AKT2: variants seen among roughly 807,000 people sequenced by gnomAD.
AKT2 encodes RAC-beta serine/threonine-protein kinase.
A neutral mutation model predicts 58.6 loss-of-function variants in AKT2; 16 were observed. The ratio of observed to expected loss-of-function variants is 0.27; its 90% CI spans 0.18 to 0.41. The LOEUF (loss-of-function observed/expected upper bound fraction) is 0.41, where lower values mean the gene tolerates loss of function less well. AKT2 is among the 10% of genes least tolerant of loss of function. AKT2 has a pLI of 1.00. For synonymous variants in AKT2, 253 were observed against 254.0 expected (o/e 1.00, Z 0.04); for missense variants, 438 against 661.0 (o/e 0.66, Z 3.70).
At chr19:40,269,869 C>T (rs1976592920) in intron 1 of AKT2, among the ~76,000 whole-genome samples, 1 of 152,210 alleles carries the variant, frequency 6.6e-6, no homozygotes, top group Non-Finnish European at 1.5e-5. Flanking sequence ...CCCGTGACCA[C>T]CTGAGTCAGC....
chr19:40,274,844 G>C (rs1390610459), intron 1 of AKT2: 1 of 351,506 alleles, frequency 2.8e-6, no homozygotes, highest in African/African-American at 2.1e-5. Flanking sequence ...TGTCAGCATT[G>C]TGGCTCTTAT....
chr19:40,261,859 A>ATAC (rs1975985310), intron 2 of AKT2, among the ~76,000 whole-genome samples: 1 of 151,938 alleles, frequency 6.6e-6, no homozygotes, highest in South Asian at 2.1e-4. Flanking sequence ...CCAATGAATC[A>ATAC]TACACTTCAA....
chr19:40,251,187 G>C (rs1207264067), intron 4 of AKT2, among the ~76,000 whole-genome samples: 2 of 152,058 alleles, frequency 1.3e-5, no homozygotes, highest in African/African-American at 4.8e-5. Context: ...CTGGGCAAGA[G>C]AGCAAGAACT....
chr19:40,239,837 T>C, intron 7 of AKT2: 3 of 706,256 alleles, frequency 4.2e-6, no homozygotes, highest in African/African-American at 3.5e-5. Flanking sequence ...CCACCATCTA[T>C]GAAGAAGCTG....
rs11670860 is a variant in AKT2, at chr19:40,238,532, G to A, written c.708+373C>T. Among the ~76,000 whole-genome samples, 17,349 of 152,124 alleles carry A rather than the reference G, an allele frequency of 0.11. 1,424 individuals are homozygous for A. Among genetic ancestry groups the A allele is most frequent in the African/African-American group, 0.23 (9,482 of 41,488 alleles). On this transcript the variant is annotated intron_variant, in intron 8 of 13. Transcript: ENST00000392038. This position sits in a 1 kb window ranked among gnomAD's most constrained non-coding sequence, Gnocchi z 5.1. ...CTGTAAGGGGAAGCTGAGCGGCTGC[G>A]GGAATTCACTTCGAGAGGACACGGG...
At chr19:40,282,820 G>A (rs1283229736) in intron 1 of AKT2, 3 of 278,652 alleles carry the variant, frequency 1.1e-5, no homozygotes, top group Non-Finnish European at 1.4e-5. Flanking sequence ...CAAAGCACAG[G>A]GCTGGGCAGA....
At chr19:40,265,381 C>T (rs967487081) in intron 1 of AKT2, 30 bp from the exon 2 acceptor site, 7 of 1,538,748 alleles carry the variant, frequency 4.5e-6, no homozygotes, top group African/African-American at 1.4e-5. Flanking sequence ...CTGGTCAGGG[C>T]GGGAGGGGAT....
rs761271203 is a variant in AKT2, at chr19:40,240,127, G to A, written c.574-17C>T. The A allele has an allele frequency of 2.5e-6, 4 of 1,613,776 alleles. No individual in the cohort carries two copies. The South Asian group carries it at 4.4e-5, about 18-fold the overall frequency. On this transcript the variant is annotated splice_polypyrimidine_tract_variant and intron_variant, in intron 6 of 13. Transcript: ENST00000392038. ...GACTTCATCCTGCAGACAGACTGCG[G>A]GTGAGGGGCTGGTGGGCAACACCAC... is the stretch of plus-strand genomic sequence containing the variant.
intron 7 of AKT2, 100 bp from the exon 8 acceptor site, chr19:40,239,073 A>C (rs919054900): frequency 7.9e-6 from 10 of 1,261,074 alleles, no homozygotes; most frequent in Non-Finnish European, 1.0e-5. Flanking sequence ...GCACACACAC[A>C]CCCTGCCCTG....
rs2077493146 is a variant in AKT2, at chr19:40,285,169, T to C, written c.-85+12A>G. On this transcript the variant is annotated intron_variant, in intron 1 of 13. Coordinates refer to ENST00000392038, the MANE Select transcript of AKT2 (RefSeq NM_001626.6). The stretch of plus-strand genomic sequence containing the variant: ...GGGGGGGGCGTTCGGGGACACGCGC[T>C]GGCGCACTCACCTGTCACCGGCAGC... 2 of 393,550 alleles carry C rather than the reference T, an allele frequency of 5.1e-6. No homozygotes were observed. Among genetic ancestry groups the C allele is most frequent in the African/African-American group, 2.1e-5 (1 of 48,258 alleles). The allele number at this position is 393,550 out of a possible 1,614,324, so 24.4% of individuals were successfully genotyped here.
chr19:40,260,933 C>T (rs1186444437), intron 2 of AKT2, among the ~76,000 whole-genome samples: 3 of 152,090 alleles, frequency 2.0e-5, no homozygotes, highest in Non-Finnish European at 4.4e-5. Flanking sequence ...GCAGCCTGGG[C>T]GATAGCCCAA....
intron 1 of AKT2, among the ~76,000 whole-genome samples, chr19:40,277,262 A>G (rs1215370008): frequency 6.6e-6 from 1 of 152,226 alleles, no homozygotes; most frequent in Non-Finnish European, 1.5e-5. Flanking sequence ...ATAATTTCCA[A>G]CATGCCCCTA....
At chr19:40,240,410 G>A (rs755588116) in intron 6 of AKT2, 14 of 598,656 alleles carry the variant, frequency 2.3e-5, no homozygotes, top group Admixed American at 8.8e-5. Context: ...CAGACATCAC[G>A]AGAGCCCCGA....
At chr19:40,243,055 T>C (rs1302344037) in intron 4 of AKT2, 21 of 308,672 alleles carry the variant, frequency 6.8e-5, no homozygotes, top group South Asian at 1.8e-4. Context: ...GGCAGGAGAA[T>C]TGCTTGAACC....
chr19:40,260,372 C>G (rs903383748), intron 2 of AKT2, among the ~76,000 whole-genome samples: 1 of 152,082 alleles, frequency 6.6e-6, no homozygotes, highest in African/African-American at 2.4e-5. Context: ...TGGCTCACGC[C>G]TGTAATCCCA....
chr19:40,242,018 T>C lies in AKT2; in HGVS notation c.493A>G (p.Lys165Glu), dbSNP rs2145203618. 6.2e-7 allele frequency: 1 copy of C among 1,614,220 alleles called. No homozygotes were observed. Reference sequence around the variant, plus strand: ...GCCTTCTCCCGCACCAGGATGACTTTGCCAAAGGTTCCCTTGCCAAGGAGT... The same window carrying C: ...GCCTTCTCCCGCACCAGGATGACTTCGCCAAAGGTTCCCTTGCCAAGGAGT... ...LKLLGKGTFG[K>E]VILVREKATG... The change falls in exon 6 of 14, where the codon AAA (lysine) becomes GAA (glutamate). Residue 165 changes from lysine to glutamate, a missense_variant. Physicochemically the swap from Lys to Glu is moderately conservative, Grantham distance 56 (BLOSUM62 1). Around this residue, in one of 3 missense-constraint regions of AKT2, gnomAD observed 244 missense variants for 347.1 expected, o/e 0.70. Transcript: ENST00000392038. The surrounding 1 kb of genome is among the most constrained non-coding windows in gnomAD (Gnocchi z 4.3).
At chr19:40,284,368 A>G (rs1008504193) in intron 1 of AKT2, among the ~76,000 whole-genome samples, 1 of 152,078 alleles carries the variant, frequency 6.6e-6, no homozygotes, top group African/African-American at 2.4e-5. Flanking sequence ...TCCCTCCCCT[A>G]TGGAAGGAAA....
chr19:40,277,694 C>G (rs944508272), intron 1 of AKT2, among the ~76,000 whole-genome samples: 1 of 152,180 alleles, frequency 6.6e-6, no homozygotes, highest in East Asian at 1.9e-4. Context: ...CTCGGGCTCT[C>G]ACATCACAGG....
Position 40,234,983 on chromosome 19 carries a change from A to G in AKT2, c.1366+62T>C, listed in dbSNP as rs1014491154. 2 of 1,432,790 alleles carry G rather than the reference A, an allele frequency of 1.4e-6. No homozygotes were observed. Among genetic ancestry groups the G allele is most frequent in the Admixed American group, 3.4e-5 (2 of 58,834 alleles). 88.8% of individuals were successfully genotyped at this position (1,432,790 alleles called of 1,614,324 possible). A position where few individuals can be genotyped will look rare whatever the true frequency, so the allele number is the denominator to read the frequency against. ...GGCCCTCCTTGAGAAGTGAGTTAAG[A>G]GCAGATCCCATCCCTCCACCCCTGG... On this transcript the variant is annotated intron_variant, in intron 13 of 13. Coordinates refer to ENST00000392038, the MANE Select transcript of AKT2 (RefSeq NM_001626.6). This position sits in a 1 kb window ranked among gnomAD's most constrained non-coding sequence, Gnocchi z 4.7.
Sources: gnomAD v4.1 joint callset for allele counts (sites outside exome capture counted in the v4.1 genomes callset) on GRCh38, gnomAD v4.1.1 for gene constraint, gnomAD v4.1.1 regional missense constraint, Gnocchi (gnomAD v3.1) non-coding constraint, MANE v1.5 for transcripts, NCBI Gene and HGNC (gene_info 2026-07-23, HGNC 2026-07-21) for gene names.